Variants in GNA12 observed in about 807,000 individuals in gnomAD.
GNA12 encodes G protein subunit alpha 12, also known as guanine nucleotide-binding protein subunit alpha-12.
In GNA12, 9 loss-of-function variants were observed where a neutral mutation model predicts 26.0. The ratio of observed to expected loss-of-function variants is 0.35; its 90% CI spans 0.21 to 0.60. GNA12 has a LOEUF of 0.60. Among genes scored for constraint, GNA12 ranks in the 20% least tolerant of loss-of-function variants. The probability of loss-of-function intolerance (pLI) is 0.78; values close to 1 mark genes in which losing one functional copy is unlikely to be tolerated. For missense variants in GNA12, 405 were observed against 525.8 expected (o/e 0.77, Z 2.25); for synonymous variants, 264 against 219.6 (o/e 1.20, Z -1.79).
intron 1 of GNA12, among the ~76,000 whole-genome samples, chr7:2,842,787 G>C (rs2533877): frequency 6.6e-6 from 1 of 152,018 alleles, no homozygotes; most frequent in Non-Finnish European, 1.5e-5. Context: ...ATGGTACTGC[G>C]GTTGTGTTTT....
intron 2 of GNA12, chr7:2,762,383 C>T (rs1791602442): frequency 2.2e-6 from 1 of 445,502 alleles, no homozygotes; most frequent in Non-Finnish European, 3.9e-6. Context: ...TGGCGGTTCC[C>T]ACTTTCCTCA....
chr7:2,761,827 T>TG, intron 2 of GNA12, among the ~76,000 whole-genome samples: 1 of 152,234 alleles, frequency 6.6e-6, no homozygotes, highest in East Asian at 1.9e-4. Flanking sequence ...TTTCATACCC[T>TG]GGATAGTGCT....
chr7:2,833,354 T>G lies in GNA12; in HGVS notation c.309+10499A>C, dbSNP rs544152536. On this transcript the variant is annotated intron_variant, in intron 1 of 3. Transcript: ENST00000275364. ...AATCTTCAGTTCCATTTAAAACCGG[T>G]ACGATCCATGAACCCACTCTCAACT... 5.9e-5 allele frequency among the ~76,000 whole-genome samples: 9 copies of G among 152,292 alleles called. No homozygotes were observed. In the South Asian group the frequency reaches 1.7e-3, roughly 28 times the overall value.
At chr7:2,834,827 G>C (rs1041720716) in intron 1 of GNA12, among the ~76,000 whole-genome samples, 1 of 152,160 alleles carries the variant, frequency 6.6e-6, no homozygotes, top group African/African-American at 2.4e-5. Context: ...GGGAGCAATA[G>C]GCCTAGGTAT....
intron 1 of GNA12, among the ~76,000 whole-genome samples, chr7:2,804,531 TGA>T (rs1387795898): frequency 6.6e-6 from 1 of 152,190 alleles, no homozygotes; most frequent in Admixed American, 6.5e-5. Context: ...AGGACTGGGC[TGA>T]GTGTCAAAAG....
chr7:2,780,048 G>GTGTGTGTATATATATATATATATA (rs748113158), intron 2 of GNA12, among the ~76,000 whole-genome samples: 1 of 84,734 alleles, frequency 1.2e-5, no homozygotes, highest in Non-Finnish European at 2.2e-5. Context: ...ACATTTCTGT[G>GTGTGTGTATATATATATATATATA]TACATATATA....
chr7:2,785,655 C>G (rs532987686), intron 2 of GNA12, among the ~76,000 whole-genome samples: 8 of 146,416 alleles, frequency 5.5e-5, no homozygotes, highest in Non-Finnish European at 9.0e-5. Context: ...TGTGCATATA[C>G]ACACACATTT....
At chr7:2,818,397 C>T (rs1373472743) in intron 1 of GNA12, among the ~76,000 whole-genome samples, 1 of 152,210 alleles carries the variant, frequency 6.6e-6, no homozygotes, top group African/African-American at 2.4e-5. Context: ...GGAGCATAGT[C>T]TCTCCAACGG....
chr7:2,746,379 C>A (rs900234212), intron 2 of GNA12, among the ~76,000 whole-genome samples: 1 of 152,176 alleles, frequency 6.6e-6, no homozygotes, highest in South Asian at 2.1e-4. Flanking sequence ...CAAAACCGCT[C>A]AACTACATGG....
chr7:2,731,104 C>T lies in GNA12; in HGVS notation c.*77G>A, dbSNP rs1789864749. Reference sequence around the variant, plus strand: ...CCGAGAAACCCACTCAAGGACCACACAGACAACACACACCCAAGAGTCTGA... The same window carrying T: ...CCGAGAAACCCACTCAAGGACCACATAGACAACACACACCCAAGAGTCTGA... On this transcript the variant is annotated 3_prime_UTR_variant, in exon 4 of 4. Coordinates refer to ENST00000275364, the MANE Select transcript of GNA12 (RefSeq NM_007353.3). The surrounding 1 kb of genome is among the most constrained non-coding windows in gnomAD (Gnocchi z 6.0). 3 of 983,964 alleles carry T rather than the reference C, an allele frequency of 3.0e-6. No individual in the cohort carries two copies. The highest frequency in any genetic ancestry group is 2.4e-5 in the East Asian group (1 of 41,740). 61.0% of individuals were successfully genotyped at this position (983,964 alleles called of 1,614,324 possible). A position where few individuals can be genotyped will look rare whatever the true frequency, so the allele number is the denominator to read the frequency against.
chr7:2,838,567 GC>G (rs1250536414), intron 1 of GNA12, among the ~76,000 whole-genome samples: 1 of 152,098 alleles, frequency 6.6e-6, no homozygotes, highest in African/African-American at 2.4e-5. Context: ...CTAGGCAATA[GC>G]AAAAGACCTT....
intron 1 of GNA12, among the ~76,000 whole-genome samples, chr7:2,813,098 A>G (rs764408267): frequency 6.6e-6 from 1 of 152,082 alleles, no homozygotes; most frequent in Non-Finnish European, 1.5e-5. Context: ...AGCTAATTTT[A>G]TTTGTAGACA....
Position 2,731,784 on chromosome 7 carries a change from G to A in GNA12, c.577-34C>T, listed in dbSNP as rs879159666. 1 of 1,121,216 alleles carries A rather than the reference G, an allele frequency of 8.9e-7. No homozygotes were observed. The highest frequency in any genetic ancestry group is 1.2e-6 in the Non-Finnish European group (1 of 805,842). The allele number at this position is 1,121,216 out of a possible 1,614,324, so 69.5% of individuals were successfully genotyped here. A position where few individuals can be genotyped will look rare whatever the true frequency, so the allele number is the denominator to read the frequency against. Reference sequence around the variant, plus strand: ...TACAGGATGAGGCAGAAATTTAGGGGGAGGAAGAAAGAACAGAGAAAATAG... The same window carrying A: ...TACAGGATGAGGCAGAAATTTAGGGAGAGGAAGAAAGAACAGAGAAAATAG... On this transcript the variant is annotated intron_variant, in intron 3 of 3. Coordinates refer to ENST00000275364, the MANE Select transcript of GNA12 (RefSeq NM_007353.3). The surrounding 1 kb of genome is among the most constrained non-coding windows in gnomAD (Gnocchi z 6.0).
rs1282317424 is a variant in GNA12 at position 2,728,950 on chromosome 7, GCTTT to G, written c.*2227_*2230del. On this transcript the variant is annotated 3_prime_UTR_variant, in exon 4 of 4. Transcript: ENST00000275364. ...CCCGCGCCGGGGGCCATCCCCCTGCGCTTTCTATCGAGTTAAACGGACCCCACAA... is the reference window on the plus strand; with the variant it reads ...CCCGCGCCGGGGGCCATCCCCCTGCGCTATCGAGTTAAACGGACCCCACAA... The G allele has an allele frequency of 1.3e-5, 2 of 152,384 alleles. No homozygotes were observed. The highest frequency in any genetic ancestry group is 2.9e-5 in the Non-Finnish European group (2 of 68,048). 9.4% of individuals were successfully genotyped at this position (152,384 alleles called of 1,614,324 possible).
Position 2,795,152 on chromosome 7 carries a change from T to C in GNA12, c.310-9A>G. The C allele has an allele frequency of 6.2e-7, 1 of 1,603,020 alleles. No homozygotes were observed. The highest frequency in any genetic ancestry group is 1.3e-5 in the African/African-American group (1 of 74,614). On this transcript the variant is annotated splice_polypyrimidine_tract_variant and intron_variant, in intron 1 of 3. Transcript: ENST00000275364. Reference sequence around the variant, plus strand: ...ACAAGAACCCTTGAGCCCTAGAAAATAAAAGAAAGAAGAGAGGATTTAATT... The same window carrying C: ...ACAAGAACCCTTGAGCCCTAGAAAACAAAAGAAAGAAGAGAGGATTTAATT...
At chr7:2,815,371 C>T (rs374676129) in intron 1 of GNA12, 4 of 187,262 alleles carry the variant, frequency 2.1e-5, no homozygotes, top group East Asian at 1.7e-4. Flanking sequence ...ATCTCACGCA[C>T]GAAGACCCTG....
At chr7:2,816,344 C>T (rs1362253821) in intron 1 of GNA12, among the ~76,000 whole-genome samples, 10 of 151,828 alleles carry the variant, frequency 6.6e-5, no homozygotes, top group Non-Finnish European at 1.5e-4. Context: ...GATTCTTCTG[C>T]CTCAGCCTCC....
rs143545604 is a variant in GNA12 at position 2,809,428 on chromosome 7, C to T, written c.310-14285G>A. Reference sequence around the variant, plus strand: ...AAATACACAAACCAAACATCATTAGCGTTTCAATGTATTTTTCATTGGAAA... The same window carrying T: ...AAATACACAAACCAAACATCATTAGTGTTTCAATGTATTTTTCATTGGAAA... On this transcript the variant is annotated intron_variant, in intron 1 of 3. Coordinates refer to ENST00000275364, the MANE Select transcript of GNA12 (RefSeq NM_007353.3). Among the ~76,000 whole-genome samples, 18 of 152,222 alleles carry T rather than the reference C, an allele frequency of 1.2e-4. No individual in the cohort carries two copies. In the East Asian group the frequency reaches 1.9e-3, roughly 16 times the overall value.
At chr7:2,739,288 C>A (rs1642084221) in intron 2 of GNA12, among the ~76,000 whole-genome samples, 2 of 152,352 alleles carry the variant, frequency 1.3e-5, no homozygotes, top group African/African-American at 4.8e-5. Context: ...GCCACTCCCA[C>A]TGCCCTGGCC....
Sources: gnomAD v4.1 joint callset for allele counts (sites outside exome capture counted in the v4.1 genomes callset) on GRCh38, gnomAD v4.1.1 for gene constraint, Gnocchi (gnomAD v3.1) non-coding constraint, MANE v1.5 for transcripts, NCBI Gene and HGNC (gene_info 2026-07-23, HGNC 2026-07-21) for gene names.